RYR3: variants seen among roughly 807,000 people sequenced by gnomAD.
RYR3 encodes the protein ryanodine receptor 3.
Under a neutral mutation model 584.3 loss-of-function variants are expected in RYR3, and 207 were observed. The ratio of observed to expected loss-of-function variants is 0.35; its 90% CI spans 0.32 to 0.40. The LOEUF (loss-of-function observed/expected upper bound fraction) is 0.40. RYR3 is among the 10% of genes least tolerant of loss of function. RYR3 has a pLI of 1.00. For synonymous variants in RYR3, 2,416 were observed against 2,248.5 expected, an observed-to-expected ratio of 1.07 and a Z score of -2.11; for missense variants, 5,616 against 6,089.2, an observed-to-expected ratio of 0.92 and a Z score of 2.59.
At chr15:33,484,632 A>G (rs1262933101) in intron 2 of RYR3, among the ~76,000 whole-genome samples, 1 of 117,434 alleles carries the variant, frequency 8.5e-6, no homozygotes, top group Non-Finnish European at 2.0e-5. Flanking sequence ...AGGTATGGGT[A>G]ACAATTCATG....
At chr15:33,830,713 C>T in intron 85 of RYR3, 1 of 328,398 alleles carries the variant, frequency 3.0e-6, no homozygotes, top group Non-Finnish European at 5.5e-6. Flanking sequence ...GTAAATTATC[C>T]TATTTCATAG....
chr15:33,457,970 G>A (rs373750863), intron 1 of RYR3, among the ~76,000 whole-genome samples: 8 of 152,286 alleles, frequency 5.3e-5, no homozygotes, highest in South Asian at 4.2e-4. Context: ...GGATCAGCAC[G>A]TTTCCTATCA....
intron 2 of RYR3, among the ~76,000 whole-genome samples, chr15:33,486,457 T>C (rs548548520): frequency 5.3e-5 from 8 of 152,128 alleles, no homozygotes; most frequent in Non-Finnish European, 1.0e-4. Context: ...TCAATCACCT[T>C]GTAAGAGGGC....
chr15:33,733,759 A>G (rs1274538661), intron 48 of RYR3, among the ~76,000 whole-genome samples: 1 of 152,176 alleles, frequency 6.6e-6, no homozygotes. Context: ...GTTTCAATAT[A>G]AGTTTATCAG....
intron 1 of RYR3, among the ~76,000 whole-genome samples, chr15:33,379,026 C>T (rs1034221934): frequency 2.0e-5 from 3 of 152,048 alleles, no homozygotes; most frequent in Non-Finnish European, 4.4e-5. Context: ...ATCTATGTTA[C>T]CACAAAGGTT....
chr15:33,673,588 C>G (rs2063978511), intron 38 of RYR3, among the ~76,000 whole-genome samples: 1 of 152,108 alleles, frequency 6.6e-6, no homozygotes, highest in South Asian at 2.1e-4. Context: ...TTCCTTCTGG[C>G]CAGTACTTTT....
At chr15:33,736,132 T>C in intron 48 of RYR3, 103 bp from the exon 49 acceptor site, 1 of 711,626 alleles carries the variant, frequency 1.4e-6, no homozygotes, top group East Asian at 2.7e-5. Context: ...GGAGCTGTTT[T>C]GAGGCTTGGC....
rs770264593 is a variant in RYR3 at position 33,722,818 on chromosome 15, G to A, written c.6723G>A (p.Leu2241=). The part of the protein sequence containing the change: ...ALRGEGGNGL[L]AAMQGAIKIS... ...GGGGTGAGGGGGGAAACGGGCTCTTGGCAGCCATGCAGGGTGCCATTAAGA... is the reference window on the plus strand; with the variant it reads ...GGGGTGAGGGGGGAAACGGGCTCTTAGCAGCCATGCAGGGTGCCATTAAGA... Residue 2241 remains leucine (L), a synonymous_variant, in exon 44 of 104, where the codon TTG becomes TTA. Coordinates refer to ENST00000634891, the MANE Select transcript of RYR3 (RefSeq NM_001036.6). 9 of 1,613,222 alleles carry A rather than the reference G, an allele frequency of 5.6e-6. No individual in the cohort carries two copies. The highest frequency in any genetic ancestry group is 3.3e-5 in the South Asian group (3 of 90,896).
intron 99 of RYR3, 84 bp from the exon 100 acceptor site, chr15:33,859,491 A>T: frequency 3.3e-6 from 5 of 1,508,286 alleles, no homozygotes; most frequent in Non-Finnish European, 4.6e-6. Context: ...CCACAATCTG[A>T]CCGAATCATA....
At chr15:33,716,892 CATCAACATT>C (rs2067534448) in intron 43 of RYR3, among the ~76,000 whole-genome samples, 1 of 151,742 alleles carries the variant, frequency 6.6e-6, no homozygotes. Context: ...AAATCCACTT[CATCAACATT>C]ATTCACACAA....
intron 16 of RYR3, among the ~76,000 whole-genome samples, chr15:33,597,860 C>T (rs1031192477): frequency 1.3e-5 from 2 of 151,022 alleles, no homozygotes; most frequent in African/African-American, 2.4e-5. Flanking sequence ...ACTTATGAGG[C>T]GTGCCAATGG....
At chr15:33,541,932 A>G (rs2055855088) in intron 7 of RYR3, among the ~76,000 whole-genome samples, 1 of 152,122 alleles carries the variant, frequency 6.6e-6, no homozygotes, top group East Asian at 1.9e-4. Context: ...AGTCTTTCTC[A>G]AGAAAGTTTT....
intron 1 of RYR3, among the ~76,000 whole-genome samples, chr15:33,322,416 C>G (rs1401839695): frequency 6.6e-6 from 1 of 152,076 alleles, no homozygotes; most frequent in Non-Finnish European, 1.5e-5. Context: ...CACAAGAATC[C>G]CCTTTATCAT....
intron 60 of RYR3, among the ~76,000 whole-genome samples, chr15:33,758,378 G>A (rs1021474077): frequency 1.2e-4 from 18 of 152,292 alleles, no homozygotes; most frequent in Middle Eastern, 3.4e-3. Flanking sequence ...AGCCCAACAA[G>A]TGAAGATCCA....
chr15:33,850,340 C>T (rs973770994), intron 94 of RYR3: 3 of 151,960 alleles, frequency 2.0e-5, no homozygotes, highest in African/African-American at 7.3e-5. Context: ...TGAGATCACA[C>T]CACTGCGCTC....
intron 2 of RYR3, among the ~76,000 whole-genome samples, chr15:33,479,133 T>C (rs186321992): frequency 6.6e-6 from 1 of 152,236 alleles, no homozygotes; most frequent in Non-Finnish European, 1.5e-5. Flanking sequence ...TTGAGAGTTA[T>C]GTAGGCTCTG....
rs952736433 is a variant in RYR3, at chr15:33,647,157, T to C, written c.3942-267T>C. ...ACCTATTCAGAGGTATCCCTACTTA[T>C]ATTATTGCGGTCTTCCGTCCTCACT... On this transcript the variant is annotated intron_variant, in intron 29 of 103. Transcript: ENST00000634891. 4.6e-5 allele frequency among the ~76,000 whole-genome samples: 7 copies of C among 152,356 alleles called. No homozygotes were observed. The East Asian group carries it at 5.8e-4, about 13-fold the overall frequency.
intron 60 of RYR3, among the ~76,000 whole-genome samples, chr15:33,761,063 C>T (rs1012457079): frequency 6.6e-6 from 1 of 152,122 alleles, no homozygotes; most frequent in Non-Finnish European, 1.5e-5. Context: ...AGAACAAAGA[C>T]ACAATGTACC....
In RYR3 at chr15:33,838,214, G is replaced by A; in HGVS notation, c.12234G>A (p.Glu4078=). The A allele has an allele frequency of 1.2e-6, 2 of 1,614,034 alleles. No homozygotes were observed. The highest frequency in any genetic ancestry group is 1.7e-6 in the Non-Finnish European group (2 of 1,179,896). The change falls in exon 89 of 104, where the codon GAG becomes GAA. Residue 4078 remains glutamate, a synonymous_variant. Transcript: ENST00000634891. The part of the protein sequence containing the change: ...FIFDVVNEGG[E]QEKMELFVNF... ...TTGATGTTGTCAATGAAGGTGGGGAGCAGGAAAAGATGGAGCTGTTTGTGA... is the reference window on the plus strand; with the variant it reads ...TTGATGTTGTCAATGAAGGTGGGGAACAGGAAAAGATGGAGCTGTTTGTGA...
Sources: allele counts gnomAD v4.1 joint callset (sites outside exome capture counted in the v4.1 genomes callset), GRCh38; gene constraint gnomAD v4.1.1; transcripts MANE v1.5; gene names NCBI Gene and HGNC (gene_info 2026-07-23, HGNC 2026-07-21).